HDAC9: variants seen among roughly 807,000 people sequenced by gnomAD.
HDAC9 encodes the protein histone deacetylase 9, also known as MEF-2 interacting transcription repressor (MITR) protein.
A neutral mutation model predicts 139.4 loss-of-function variants in HDAC9; 41 were observed. The observed-to-expected ratio is 0.29, with a 90% confidence interval of 0.23 to 0.38. HDAC9 has a LOEUF of 0.38. Among genes scored for constraint, HDAC9 ranks in the 10% least tolerant of loss-of-function variants. The probability of loss-of-function intolerance (pLI) is 1.00; values close to 1 mark genes in which losing one functional copy is unlikely to be tolerated. For missense variants in HDAC9, 1,147 were observed against 1,297.0 expected, an observed-to-expected ratio of 0.88 and a Z score of 1.78; for synonymous variants, 517 against 476.2, an observed-to-expected ratio of 1.09 and a Z score of -1.12.
chr7:18,485,075 T>C (rs1795875414), intron 1 of HDAC9, among the ~76,000 whole-genome samples: 1 of 152,148 alleles, frequency 6.6e-6, no homozygotes. Context: ...GATTGATTCT[T>C]AAATAGACTG....
chr7:18,938,829 A>G (rs950459286), intron 23 of HDAC9, among the ~76,000 whole-genome samples: 9 of 152,164 alleles, frequency 5.9e-5, no homozygotes, highest in Admixed American at 1.3e-4. Context: ...AGGAAAGGGA[A>G]TTTAATTGGA....
At chr7:18,901,358 A>C (rs1182622197) in intron 22 of HDAC9, among the ~76,000 whole-genome samples, 1 of 151,924 alleles carries the variant, frequency 6.6e-6, no homozygotes, top group Non-Finnish European at 1.5e-5. Context: ...AGAGTTAAAA[A>C]AAATCCTCTT....
upstream of HDAC9, among the ~76,000 whole-genome samples, chr7:18,287,024 A>G (rs1797495632): frequency 6.6e-6 from 1 of 152,180 alleles, no homozygotes; most frequent in Non-Finnish European, 1.5e-5. Context: ...TCTGATTTGC[A>G]GACAGTTTAA....
chr7:18,708,419 C>G (rs1562871011), intron 12 of HDAC9, among the ~76,000 whole-genome samples: 2 of 152,170 alleles, frequency 1.3e-5, no homozygotes, highest in South Asian at 4.2e-4. Flanking sequence ...CTAACTGTCA[C>G]ATGTTTAAAA....
At position 18,144,462 on chromosome 7, in the gene HDAC9, C is replaced by G. The variant is rs1328961098; in HGVS notation, c.-96-17767C>G. Reference sequence around the variant, plus strand: ...CTCTGTGGATTTCCCTGCCCATTCCCTCTGGTTCAACCCCACTCCTATTAT... The same window carrying G: ...CTCTGTGGATTTCCCTGCCCATTCCGTCTGGTTCAACCCCACTCCTATTAT... On this transcript the variant is annotated intron_variant, in intron 1 of 12. Coordinates refer to the HDAC9 transcript ENST00000417496. 3.3e-5 allele frequency among the ~76,000 whole-genome samples: 5 copies of G among 152,318 alleles called. No individual in the cohort carries two copies. In the East Asian group the frequency reaches 7.7e-4, roughly 24 times the overall value.
At chr7:18,765,544 G>T (rs916132898) in intron 15 of HDAC9, among the ~76,000 whole-genome samples, 1 of 152,072 alleles carries the variant, frequency 6.6e-6, no homozygotes, top group Non-Finnish European at 1.5e-5. Context: ...GGTGGAGGCT[G>T]CAGTGAGCCG....
intron 1 of HDAC9, among the ~76,000 whole-genome samples, chr7:18,481,052 C>T (rs956622416): frequency 2.0e-5 from 3 of 152,158 alleles, no homozygotes; most frequent in Non-Finnish European, 4.4e-5. Flanking sequence ...TCCCCATCAC[C>T]CCGCTTCACT....
chr7:18,711,053 C>A (rs887532068), intron 12 of HDAC9, among the ~76,000 whole-genome samples: 3 of 152,070 alleles, frequency 2.0e-5, no homozygotes, highest in Admixed American at 6.5e-5. Context: ...GTCTGGATGC[C>A]TAGAATATGT....
rs1790071736 is a variant in HDAC9 at position 18,188,326 on chromosome 7, T to C, written c.25+25977T>C. 2.6e-5 allele frequency among the ~76,000 whole-genome samples: 4 copies of C among 151,632 alleles called. No individual in the cohort carries two copies. The South Asian group carries it at 8.3e-4, about 31-fold the overall frequency. On this transcript the variant is annotated intron_variant, in intron 2 of 12. Transcript: ENST00000417496. ...GAAAATTGAAACTGGACCCCTTCCT[T>C]ACACCTTATACAAAAATTAATTCAA... is the stretch of plus-strand genomic sequence containing the variant.
At chr7:18,452,526 A>G (rs940740529) in intron 1 of HDAC9, among the ~76,000 whole-genome samples, 2 of 152,176 alleles carry the variant, frequency 1.3e-5, no homozygotes, top group Non-Finnish European at 2.9e-5. Flanking sequence ...GAACAGTCTT[A>G]TAAGATGCAG....
chr7:18,847,817 T>C (rs1797010631), intron 21 of HDAC9, among the ~76,000 whole-genome samples: 1 of 152,170 alleles, frequency 6.6e-6, no homozygotes, highest in South Asian at 2.1e-4. Context: ...ATTCAACACT[T>C]ACCCCTCTCA....
chr7:18,159,133 G>A (rs941324112), intron 1 of HDAC9, among the ~76,000 whole-genome samples: 1 of 152,094 alleles, frequency 6.6e-6, no homozygotes, highest in Non-Finnish European at 1.5e-5. Context: ...AAATGTGCAC[G>A]AATATGTATA....
chr7:18,175,044 C>G (rs1788773419), intron 2 of HDAC9, among the ~76,000 whole-genome samples: 1 of 152,248 alleles, frequency 6.6e-6, no homozygotes, highest in Non-Finnish European at 1.5e-5. Context: ...TTTTGTTCAG[C>G]TATACCCTGC....
intron 21 of HDAC9, among the ~76,000 whole-genome samples, chr7:18,869,190 C>T (rs939613490): frequency 4.2e-5 from 5 of 119,232 alleles, no homozygotes; most frequent in Middle Eastern, 8.3e-3. Context: ...GTGTGTGTTG[C>T]GGTAGGGGGA....
At chr7:18,955,987 C>T (rs1349174351) in intron 24 of HDAC9, among the ~76,000 whole-genome samples, 1 of 152,108 alleles carries the variant, frequency 6.6e-6, no homozygotes, top group Non-Finnish European at 1.5e-5. Flanking sequence ...GATCTAATTT[C>T]CTAGTAATGA....
chr7:18,958,024 C>A (rs1783278781), intron 24 of HDAC9, among the ~76,000 whole-genome samples: 1 of 152,108 alleles, frequency 6.6e-6, no homozygotes, highest in Admixed American at 6.6e-5. Flanking sequence ...GAACTGAGTC[C>A]CCCAGCTGAG....
intron 10 of HDAC9, 108 bp from the exon 11 acceptor site, chr7:18,648,358 T>G: frequency 1.1e-6 from 1 of 899,986 alleles, no homozygotes; most frequent in South Asian, 1.6e-5. Context: ...GTTTATACCA[T>G]GTATCTGTTT....
At chr7:18,600,555 A>C (rs1833677243) in intron 6 of HDAC9, among the ~76,000 whole-genome samples, 1 of 152,196 alleles carries the variant, frequency 6.6e-6, no homozygotes, top group Non-Finnish European at 1.5e-5. Context: ...CTTTCTCCAA[A>C]GAATTGCCTT....
At chr7:18,989,847 G>A (rs1476370303) in intron 25 of HDAC9, among the ~76,000 whole-genome samples, 69 of 145,334 alleles carry the variant, frequency 4.7e-4, no homozygotes, top group Admixed American at 2.5e-3. Context: ...TGATCGCATC[G>A]GCTCCTGAGG....
Sources: gnomAD v4.1 joint callset for allele counts (sites outside exome capture counted in the v4.1 genomes callset) on GRCh38, gnomAD v4.1.1 for gene constraint, MANE v1.5 for transcripts, NCBI Gene and HGNC (gene_info 2026-07-23, HGNC 2026-07-21) for gene names.